The following CNTRL variants were observed in gnomAD, a reference collection of about 807,000 sequenced individuals.
The protein encoded by CNTRL is centriolin.
In CNTRL, 233 loss-of-function variants were observed where a neutral mutation model predicts 303.7. The ratio of observed to expected loss-of-function variants is 0.77; its 90% CI spans 0.69 to 0.86. The LOEUF (loss-of-function observed/expected upper bound fraction) is 0.86. Ranked by LOEUF, CNTRL falls within the 40% of genes least tolerant of loss-of-function variation. CNTRL has a pLI of 0.00. For missense variants in CNTRL, 2,524 were observed against 2,650.6 expected, an observed-to-expected ratio of 0.95 and a Z score of 1.05; for synonymous variants, 900 against 922.2, an observed-to-expected ratio of 0.98 and a Z score of 0.44.
chr9:121,145,185 A>G (rs2051769232), intron 21 of CNTRL, 59 bp from the exon 22 acceptor site: 2 of 1,529,700 alleles, frequency 1.3e-6, no homozygotes, highest in Non-Finnish European at 1.8e-6. Flanking sequence ...GAAAGGATAA[A>G]TGTGTTTGGG....
At chr9:121,137,208 T>C (rs543678330) in intron 15 of CNTRL, among the ~76,000 whole-genome samples, 2 of 152,324 alleles carry the variant, frequency 1.3e-5, no homozygotes, top group African/African-American at 4.8e-5. Flanking sequence ...TGCATCTTCT[T>C]TCAGGAAGCC....
At chr9:121,092,507 T>A (rs2048641922) in intron 4 of CNTRL, among the ~76,000 whole-genome samples, 1 of 56,852 alleles carries the variant, frequency 1.8e-5, no homozygotes, top group Non-Finnish European at 3.5e-5. Context: ...ATATATATAA[T>A]ATATATCTAT....
intron 12 of CNTRL, among the ~76,000 whole-genome samples, chr9:121,120,549 C>CT (rs2050180816): frequency 6.6e-6 from 1 of 152,166 alleles, no homozygotes; most frequent in East Asian, 1.9e-4. Context: ...CCAACCAGCC[C>CT]TATGTTTATG....
intron 15 of CNTRL, 113 bp from the exon 16 acceptor site, chr9:121,138,432 G>A (rs1011488003): frequency 3.6e-6 from 4 of 1,114,418 alleles, no homozygotes; most frequent in Non-Finnish European, 5.0e-6. Flanking sequence ...AAATTGAGTT[G>A]TAAAACTATA....
Position 121,123,931 on chromosome 9 carries a change from T to C in CNTRL, c.1651T>C (p.Ser551Pro). 1 of 1,573,094 alleles carries C rather than the reference T, an allele frequency of 6.4e-7. No homozygotes were observed. The highest frequency in any genetic ancestry group is 2.0e-5 in the Admixed American group (1 of 49,970). The change falls in exon 13 of 44, where the codon TCC (serine) becomes CCC (proline). Residue 551 changes from serine (S) to proline (P), a missense_variant and splice_region_variant. By Grantham distance (74) the Ser-to-Pro change is moderately conservative. Coordinates refer to ENST00000373855, the MANE Select transcript of CNTRL (RefSeq NM_007018.6). The stretch of plus-strand genomic sequence containing the variant: ...TTGTTGATTTTTTTTTTTAATTCAG[T>C]CCCATATGAAGGCTCAAAAGAGCGG... ...DSLDSKDPKH[S>P]HMKAQKSGKE...
chr9:121,165,971 T>G (rs2131825220), intron 35 of CNTRL, 136 bp from the exon 36 acceptor site: 720 of 643,420 alleles, frequency 1.1e-3, no homozygotes, highest in East Asian at 2.4e-3. Context: ...TGGCCTTTAA[T>G]GAGATAGTGT....
chr9:121,111,123 T>C (rs1017352302), intron 8 of CNTRL: 1 of 152,152 alleles, frequency 6.6e-6, no homozygotes, highest in Non-Finnish European at 1.5e-5. Flanking sequence ...CGGAGACTTA[T>C]GATCATTCAG....
intron 14 of CNTRL, 65 bp downstream of exon 14, chr9:121,126,001 T>C (rs1172314701): frequency 7.6e-7 from 1 of 1,323,804 alleles, no homozygotes; most frequent in African/African-American, 1.4e-5. Flanking sequence ...ATTAAGTTAG[T>C]TGGAGGAGGT....
At position 121,139,929 on chromosome 9, in the gene CNTRL, G is replaced by A. The variant is rs371391244; in HGVS notation, c.2338-712G>A. ...AGTCAACTTTCTAGAATGCTGACACGTGTTGTGGGACTACCTTAGTTAGAA... is the reference window on the plus strand; with the variant it reads ...AGTCAACTTTCTAGAATGCTGACACATGTTGTGGGACTACCTTAGTTAGAA... On this transcript the variant is annotated intron_variant, in intron 16 of 43. Coordinates refer to ENST00000373855, the MANE Select transcript of CNTRL (RefSeq NM_007018.6). 5.9e-5 allele frequency among the ~76,000 whole-genome samples: 9 copies of A among 152,182 alleles called. 1 individual carries two copies. The highest frequency in any genetic ancestry group is 3.9e-4 in the East Asian group (2 of 5,192).
chr9:121,138,792 C>A, intron 16 of CNTRL, 113 bp downstream of exon 16: 2 of 1,098,004 alleles, frequency 1.8e-6, no homozygotes, highest in Non-Finnish European at 2.6e-6. Context: ...ATTTGAATTA[C>A]TAGAAAAAAG....
At chr9:121,122,822 T>G (rs573851417) in intron 12 of CNTRL, among the ~76,000 whole-genome samples, 39 of 152,268 alleles carry the variant, frequency 2.6e-4, no homozygotes, top group African/African-American at 8.9e-4. Context: ...TGCCATGACT[T>G]CAGGGTGCGG....
chr9:121,118,279 G>A (rs1224129659), intron 11 of CNTRL, 67 bp from the exon 12 acceptor site: 3 of 1,212,400 alleles, frequency 2.5e-6, no homozygotes, highest in East Asian at 5.0e-5. Context: ...TAAAATTATA[G>A]ACATTGTCTT....
intron 31 of CNTRL, 118 bp downstream of exon 31, chr9:121,159,137 C>G: frequency 9.7e-7 from 1 of 1,030,412 alleles, no homozygotes; most frequent in Non-Finnish European, 1.4e-6. Flanking sequence ...CTTGCCTCCT[C>G]TGTAAAATCA....
At chr9:121,082,999 A>C (rs1440222519) in intron 2 of CNTRL, among the ~76,000 whole-genome samples, 1 of 151,004 alleles carries the variant, frequency 6.6e-6, no homozygotes, top group Non-Finnish European at 1.5e-5. Context: ...GAAAAAGTAC[A>C]ATAAAAATAT....
At chr9:121,125,976 G>A (rs765116218) in intron 14 of CNTRL, 40 bp downstream of exon 14, 2 of 1,523,722 alleles carry the variant, frequency 1.3e-6, no homozygotes, top group South Asian at 2.3e-5. Context: ...AGCTTCATAA[G>A]TAGATAATGT....
chr9:121,158,255 TCAATA>T (rs2052680087), intron 30 of CNTRL, 146 bp downstream of exon 30: 3 of 919,438 alleles, frequency 3.3e-6, no homozygotes, highest in African/African-American at 3.3e-5. Flanking sequence ...GAATCCCAAC[TCAATA>T]CAATACTTCT....
chr9:121,160,534 G>C (rs1351361516), intron 32 of CNTRL, among the ~76,000 whole-genome samples: 1 of 152,156 alleles, frequency 6.6e-6, no homozygotes, highest in Non-Finnish European at 1.5e-5. Flanking sequence ...GCTGAAAGAA[G>C]AGCACTCACA....
intron 2 of CNTRL, 142 bp downstream of exon 2, chr9:121,080,620 A>T (rs1009259298): frequency 1.3e-5 from 2 of 152,240 alleles, no homozygotes; most frequent in Admixed American, 1.3e-4. Context: ...TTAGTGATCA[A>T]ACTGGGAAAA....
In CNTRL at chr9:121,146,226, G is replaced by T. The variant is rs1351550363; in HGVS notation, c.3429G>T (p.Trp1143Cys). ...ATCCTTTCAAAAGACGAGGCTATTG[G>T]TACTTTATGCCACCACCACCATCAT... Reference protein sequence around the residue: ...MADPFKRRGYWYFMPPPPSSK... With the variant: ...MADPFKRRGYCYFMPPPPSSK... Residue 1143 changes from tryptophan (W) to cysteine (C), a missense_variant, in exon 23 of 44, where the codon TGG becomes TGT. Coordinates refer to ENST00000373855, the MANE Select transcript of CNTRL (RefSeq NM_007018.6). 3 of 1,613,018 alleles carry T rather than the reference G, an allele frequency of 1.9e-6. No individual in the cohort carries two copies. In the African/African-American group the frequency reaches 4.0e-5, roughly 22 times the overall value.
Sources: allele counts gnomAD v4.1 joint callset (sites outside exome capture counted in the v4.1 genomes callset), GRCh38; gene constraint gnomAD v4.1.1; transcripts MANE v1.5; gene names NCBI Gene and HGNC (gene_info 2026-07-23, HGNC 2026-07-21).